ULK4: variants seen among roughly 807,000 people sequenced by gnomAD.
ULK4 encodes the protein unc-51 like kinase 4, also known as inactive serine/threonine-protein kinase ULK4.
Under a neutral mutation model 160.6 loss-of-function variants are expected in ULK4, and 133 were observed. The ratio of observed to expected loss-of-function variants is 0.83; its 90% CI spans 0.72 to 0.96. The LOEUF (loss-of-function observed/expected upper bound fraction) is 0.96. Ranked by LOEUF, ULK4 falls within the 40% of genes least tolerant of loss-of-function variation. The probability of loss-of-function intolerance (pLI) is 0.00; values close to 1 mark genes in which losing one functional copy is unlikely to be tolerated. For missense variants in ULK4, 1,580 were observed against 1,499.5 expected, an observed-to-expected ratio of 1.05 and a Z score of -0.89; for synonymous variants, 534 against 539.8, an observed-to-expected ratio of 0.99 and a Z score of 0.15.
chr3:41,504,504 T>G (rs1023217336), intron 32 of ULK4, among the ~76,000 whole-genome samples: 1 of 152,138 alleles, frequency 6.6e-6, no homozygotes, highest in Admixed American at 6.5e-5. Context: ...GAGCATAATT[T>G]TGAATTTCAT....
intron 32 of ULK4, among the ~76,000 whole-genome samples, chr3:41,502,730 T>C (rs530182532): frequency 6.6e-6 from 1 of 152,314 alleles, no homozygotes; most frequent in African/African-American, 2.4e-5. Context: ...TATATAACAT[T>C]TTTTCAAAAG....
intron 22 of ULK4, among the ~76,000 whole-genome samples, chr3:41,731,425 G>A (rs1016470680): frequency 2.0e-5 from 3 of 151,912 alleles, no homozygotes; most frequent in Admixed American, 6.6e-5. Flanking sequence ...TTTAGTCAAG[G>A]AGGTGAAAGC....
At chr3:41,719,493 T>C (rs1057346097) in intron 22 of ULK4, among the ~76,000 whole-genome samples, 1 of 152,324 alleles carries the variant, frequency 6.6e-6, no homozygotes, top group Admixed American at 6.5e-5. Flanking sequence ...CCTGGTTGTC[T>C]TCCAGAGCAC....
intron 19 of ULK4, among the ~76,000 whole-genome samples, chr3:41,811,844 G>A (rs1456829143): frequency 6.6e-6 from 1 of 152,178 alleles, no homozygotes; most frequent in Admixed American, 6.6e-5. Flanking sequence ...CGCTTTGGGA[G>A]AGGAAGCTAT....
At chr3:41,564,710 C>T (rs367721308) in intron 32 of ULK4, among the ~76,000 whole-genome samples, 3 of 151,998 alleles carry the variant, frequency 2.0e-5, no homozygotes, top group Admixed American at 1.3e-4. Flanking sequence ...CCACAAGCCT[C>T]GGCCTCCCAA....
intron 31 of ULK4, among the ~76,000 whole-genome samples, chr3:41,578,968 T>C (rs1403169477): frequency 6.6e-6 from 1 of 152,176 alleles, no homozygotes; most frequent in Non-Finnish European, 1.5e-5. Context: ...AACCCAACCC[T>C]CCTCTTCAGT....
chr3:41,420,775 G>A (rs1030649505), intron 34 of ULK4, among the ~76,000 whole-genome samples: 5 of 149,454 alleles, frequency 3.3e-5, no homozygotes, highest in African/African-American at 9.8e-5. Context: ...GTGAGCCACC[G>A]TGCCCGGCCT....
intron 35 of ULK4, among the ~76,000 whole-genome samples, chr3:41,392,341 C>G (rs542424814): frequency 1.3e-5 from 2 of 152,154 alleles, no homozygotes; most frequent in African/African-American, 2.4e-5. Flanking sequence ...CAAAACACAT[C>G]CCATCTCCAT....
At chr3:41,661,154 C>A (rs1037941363) in intron 30 of ULK4, among the ~76,000 whole-genome samples, 2 of 151,992 alleles carry the variant, frequency 1.3e-5, no homozygotes, top group African/African-American at 4.8e-5. Context: ...ATACAGTGAA[C>A]AAATATTCAA....
chr3:41,750,014 G>A (rs1445104193), intron 22 of ULK4, among the ~76,000 whole-genome samples: 1 of 152,196 alleles, frequency 6.6e-6, no homozygotes, highest in African/African-American at 2.4e-5. Context: ...TCCAAAGACT[G>A]CAAGAACATG....
intron 29 of ULK4, among the ~76,000 whole-genome samples, chr3:41,675,203 G>A (rs1035426225): frequency 6.6e-6 from 1 of 151,882 alleles, no homozygotes; most frequent in African/African-American, 2.4e-5. Context: ...TCATTCCACT[G>A]CACTCCAGCC....
intron 25 of ULK4, among the ~76,000 whole-genome samples, chr3:41,708,521 G>A (rs1334214081): frequency 6.6e-6 from 1 of 152,140 alleles, no homozygotes; most frequent in African/African-American, 2.4e-5. Context: ...GGGACTGGGG[G>A]TAGGGGAAAG....
At chr3:41,736,725 T>G (rs1398671621) in intron 22 of ULK4, among the ~76,000 whole-genome samples, 4 of 151,310 alleles carry the variant, frequency 2.6e-5, no homozygotes, top group Non-Finnish European at 4.4e-5. Flanking sequence ...TTTTGTCTTT[T>G]GTTGCCATTG....
intron 18 of ULK4, among the ~76,000 whole-genome samples, chr3:41,832,583 C>T (rs1410620867): frequency 6.6e-6 from 1 of 152,154 alleles, no homozygotes; most frequent in Non-Finnish European, 1.5e-5. Context: ...GATGCCATTG[C>T]TTTTGGTGTT....
At chr3:41,743,211 T>C (rs1228329580) in intron 22 of ULK4, among the ~76,000 whole-genome samples, 1 of 151,750 alleles carries the variant, frequency 6.6e-6, no homozygotes, top group African/African-American at 2.4e-5. Context: ...AAAGAGAGTA[T>C]CTTCAAAATA....
At chr3:41,782,692 G>T (rs1369501229) in intron 21 of ULK4, among the ~76,000 whole-genome samples, 1 of 152,010 alleles carries the variant, frequency 6.6e-6, no homozygotes, top group Non-Finnish European at 1.5e-5. Context: ...AAACTACAGT[G>T]TTACATATAA....
intron 29 of ULK4, among the ~76,000 whole-genome samples, chr3:41,672,010 C>CA: frequency 6.6e-6 from 1 of 152,072 alleles, no homozygotes; most frequent in African/African-American, 2.4e-5. Context: ...AAATGCAAGT[C>CA]AAAACCACAA....
rs115784672 is a variant in ULK4 at position 41,321,865 on chromosome 3, C to A, written c.3679-72291G>T. 3.0e-3 allele frequency among the ~76,000 whole-genome samples: 436 copies of A among 143,858 alleles called. 82 individuals carry two copies. The highest frequency in any genetic ancestry group is 0.011 in the African/African-American group (409 of 36,816). The allele number at this position is 143,858 out of a possible 152,430, so 94.4% of individuals were successfully genotyped here. On this transcript the variant is annotated intron_variant, in intron 35 of 36. Coordinates refer to ENST00000301831, the MANE Select transcript of ULK4 (RefSeq NM_017886.4). ...GCAGGCCACTGTGCATGCGGACAGC[C>A]CACCCCAAGAGAAGAATCAGGGGAG...
intron 21 of ULK4, among the ~76,000 whole-genome samples, chr3:41,787,261 A>C (rs1486202757): frequency 2.0e-5 from 3 of 152,094 alleles, no homozygotes; most frequent in Non-Finnish European, 2.9e-5. Flanking sequence ...CCAACGACAG[A>C]AAGTCCTCCA....
Sources: gnomAD v4.1 joint callset for allele counts (sites outside exome capture counted in the v4.1 genomes callset) on GRCh38, gnomAD v4.1.1 for gene constraint, MANE v1.5 for transcripts, NCBI Gene and HGNC (gene_info 2026-07-23, HGNC 2026-07-21) for gene names.